DIAPH3: variants seen among roughly 807,000 people sequenced by gnomAD.
DIAPH3 encodes protein diaphanous homolog 3.
Under a neutral mutation model 144.3 loss-of-function variants are expected in DIAPH3, and 117 were observed. The ratio of observed to expected loss-of-function variants is 0.81; its 90% CI spans 0.70 to 0.95. DIAPH3 has a LOEUF of 0.95. Among genes scored for constraint, DIAPH3 ranks in the 40% least tolerant of loss-of-function variants. The pLI is 0.00. For missense variants in DIAPH3, 1,421 were observed against 1,412.7 expected, an observed-to-expected ratio of 1.01 and a Z score of -0.09; for synonymous variants, 519 against 488.9, an observed-to-expected ratio of 1.06 and a Z score of -0.81.
intron 1 of DIAPH3, among the ~76,000 whole-genome samples, chr13:60,137,922 C>A (rs772290154): frequency 6.6e-6 from 1 of 151,824 alleles, no homozygotes; most frequent in South Asian, 2.1e-4. Flanking sequence ...CAGGGTTTCG[C>A]CATGTTGGCC....
chr13:59,736,555 T>C (rs912189087), intron 27 of DIAPH3, among the ~76,000 whole-genome samples: 1 of 152,284 alleles, frequency 6.6e-6, no homozygotes, highest in East Asian at 1.9e-4. Flanking sequence ...TGTCTTCTTT[T>C]GAGAAGTGTC....
chr13:59,838,426 A>G (rs1239590888), intron 23 of DIAPH3: 1 of 152,002 alleles, frequency 6.6e-6, no homozygotes, highest in Non-Finnish European at 1.5e-5. Context: ...GTATGTATAT[A>G]CACACATACA....
chr13:59,801,737 A>G (rs2139478872), intron 25 of DIAPH3, among the ~76,000 whole-genome samples: 1 of 152,310 alleles, frequency 6.6e-6, no homozygotes, highest in South Asian at 2.1e-4. Flanking sequence ...CATATTGCTT[A>G]TAATTCTCTT....
intron 3 of DIAPH3, among the ~76,000 whole-genome samples, chr13:60,098,426 T>A (rs1422377836): frequency 6.6e-6 from 1 of 151,984 alleles, no homozygotes. Flanking sequence ...GAAAGGGGCA[T>A]CTATAAGCTA....
In DIAPH3 at chr13:59,983,781, T is replaced by C; in HGVS notation, c.1468A>G (p.Thr490Ala). 2 of 1,599,570 alleles carry C rather than the reference T, an allele frequency of 1.3e-6. No homozygotes were observed. The highest frequency in any genetic ancestry group is 8.6e-7 in the Non-Finnish European group (1 of 1,168,216). ...TYRKRLDLDL[T>A]QFVDICIDQA... is the part of the protein sequence containing the mutation. ...AATAAATACTCACCTACAAACTGGG[T>C]TAAATCTAAATCTAGTCTTTTTCGA... Residue 490 changes from threonine (T) to alanine (A), a missense_variant, in exon 13 of 28, where the codon ACC (threonine) becomes GCC (alanine). Coordinates refer to ENST00000400324, the MANE Select transcript of DIAPH3 (RefSeq NM_001042517.2).
chr13:60,124,583 G>T (rs538481198), intron 2 of DIAPH3, among the ~76,000 whole-genome samples: 3 of 152,060 alleles, frequency 2.0e-5, no homozygotes, highest in Non-Finnish European at 4.4e-5. Context: ...CAATGGCTAT[G>T]ATACAATTTC....
chr13:60,095,366 T>C (rs1417886736), intron 3 of DIAPH3, among the ~76,000 whole-genome samples: 1 of 152,114 alleles, frequency 6.6e-6, no homozygotes, highest in Non-Finnish European at 1.5e-5. Flanking sequence ...GAGTCAGCAA[T>C]GTATGGGCTC....
At chr13:60,130,854 G>A (rs1286317812) in intron 2 of DIAPH3, among the ~76,000 whole-genome samples, 3 of 152,156 alleles carry the variant, frequency 2.0e-5, no homozygotes, top group Non-Finnish European at 2.9e-5. Flanking sequence ...GATAAAGGGA[G>A]AGGTGAGGAA....
At chr13:59,734,417 T>A (rs917200485) in intron 27 of DIAPH3, among the ~76,000 whole-genome samples, 9 of 152,164 alleles carry the variant, frequency 5.9e-5, no homozygotes, top group African/African-American at 1.9e-4. Flanking sequence ...CAATATCATC[T>A]CATATCAAAA....
At chr13:60,092,401 C>G (rs1383434394) in intron 4 of DIAPH3, among the ~76,000 whole-genome samples, 1 of 152,092 alleles carries the variant, frequency 6.6e-6, no homozygotes, top group Non-Finnish European at 1.5e-5. Context: ...GCCTGTAATC[C>G]CAGCACTTTG....
intron 4 of DIAPH3, among the ~76,000 whole-genome samples, chr13:60,079,946 C>T (rs978209379): frequency 1.1e-4 from 17 of 151,688 alleles, no homozygotes; most frequent in African/African-American, 4.1e-4. Context: ...TAAACCTAGC[C>T]CCTATTCCAA....
chr13:60,029,067 A>G (rs954981098), intron 5 of DIAPH3, among the ~76,000 whole-genome samples: 1 of 150,364 alleles, frequency 6.7e-6, no homozygotes, highest in East Asian at 2.0e-4. Context: ...CAAAAAAAAA[A>G]GGGGGGATTT....
At chr13:60,028,251 T>C (rs2054525450) in intron 5 of DIAPH3, among the ~76,000 whole-genome samples, 1 of 152,126 alleles carries the variant, frequency 6.6e-6, no homozygotes, top group African/African-American at 2.4e-5. Flanking sequence ...ATCACAAGCA[T>C]GGTCAGCACT....
At chr13:59,764,987 G>A (rs1374276718) in intron 27 of DIAPH3, among the ~76,000 whole-genome samples, 1 of 151,890 alleles carries the variant, frequency 6.6e-6, no homozygotes, top group Non-Finnish European at 1.5e-5. Flanking sequence ...TCTACATATT[G>A]TTGTTCCAGA....
chr13:59,713,771 A>G lies in DIAPH3; in HGVS notation c.3320-46925T>C, dbSNP rs559054996. On this transcript the variant is annotated intron_variant, in intron 27 of 27. Coordinates refer to ENST00000400324, the MANE Select transcript of DIAPH3 (RefSeq NM_001042517.2). ...TTCCAAGAAAAATTCCCCTTCATAAAAACAGGCACTGAAAAGAAGAGGGCC... is the reference window on the plus strand; with the variant it reads ...TTCCAAGAAAAATTCCCCTTCATAAGAACAGGCACTGAAAAGAAGAGGGCC... Among the ~76,000 whole-genome samples the G allele has an allele frequency of 7.6e-4, 115 of 152,226 alleles. 1 individual carries two copies. Among genetic ancestry groups the G allele is most frequent in the Non-Finnish European group, 1.5e-3 (101 of 68,038 alleles).
chr13:59,908,133 G>C (rs1177949461), intron 20 of DIAPH3, among the ~76,000 whole-genome samples: 4 of 152,010 alleles, frequency 2.6e-5, no homozygotes, highest in Non-Finnish European at 4.4e-5. Context: ...CACTTTGGGA[G>C]ATCGAGGTGG....
intron 2 of DIAPH3, among the ~76,000 whole-genome samples, chr13:60,117,246 T>A (rs1020061704): frequency 6.6e-6 from 1 of 152,046 alleles, no homozygotes; most frequent in Non-Finnish European, 1.5e-5. Flanking sequence ...TTACCACTAG[T>A]ATAGACGGAT....
intron 25 of DIAPH3, among the ~76,000 whole-genome samples, chr13:59,804,560 A>C (rs186551403): frequency 1.3e-5 from 2 of 152,274 alleles, no homozygotes; most frequent in Admixed American, 1.3e-4. Flanking sequence ...ATATGTGATC[A>C]ATAAATGCCA....
At chr13:60,152,616 AG>A (rs1325697744) in intron 1 of DIAPH3, among the ~76,000 whole-genome samples, 1 of 151,780 alleles carries the variant, frequency 6.6e-6, no homozygotes, top group Non-Finnish European at 1.5e-5. Flanking sequence ...AAGGAGATAA[AG>A]ATAAGAAGGG....
Sources: gnomAD v4.1 joint callset for allele counts (sites outside exome capture counted in the v4.1 genomes callset) on GRCh38, gnomAD v4.1.1 for gene constraint, MANE v1.5 for transcripts, NCBI Gene and HGNC (gene_info 2026-07-23, HGNC 2026-07-21) for gene names.